MLLT6: variants seen among roughly 807,000 people sequenced by gnomAD.
MLLT6 encodes the protein protein AF-17.
MLLT6 carries 22 observed loss-of-function variants against 103.0 expected under a neutral mutation model. That is an observed-to-expected ratio of 0.21 (90% CI 0.15 to 0.31). MLLT6 has a LOEUF of 0.31. Among genes scored for constraint, MLLT6 ranks in the 10% least tolerant of loss-of-function variants. The pLI, the probability that MLLT6 is intolerant of heterozygous loss-of-function variation, is 1.00. For synonymous variants in MLLT6, 606 were observed against 623.5 expected, an observed-to-expected ratio of 0.97 and a Z score of 0.42; for missense variants, 1,199 against 1,441.7, an observed-to-expected ratio of 0.83 and a Z score of 2.73.
At chr17:38,710,675 T>C (rs1009391896) in intron 6 of MLLT6, among the ~76,000 whole-genome samples, 2 of 151,382 alleles carry the variant, frequency 1.3e-5, no homozygotes, top group African/African-American at 2.4e-5. Flanking sequence ...ACCTGGGGGG[T>C]GCCATGAACA....
At chr17:38,707,608 C>G in intron 3 of MLLT6, 68 bp downstream of exon 3, 1 of 1,534,874 alleles carries the variant, frequency 6.5e-7, no homozygotes, top group Admixed American at 1.7e-5. Context: ...CAGGAATGGA[C>G]TGAGTTGGGG....
intron 12 of MLLT6, 179 bp downstream of exon 12, chr17:38,718,132 T>C (rs1296870267): frequency 3.8e-6 from 2 of 519,516 alleles, no homozygotes; most frequent in East Asian, 3.4e-5. Flanking sequence ...CCCAGCACTT[T>C]GGGAGGCCGA....
intron 19 of MLLT6, 36 bp from the exon 20 acceptor site, chr17:38,725,519 ACT>A: frequency 6.3e-7 from 1 of 1,599,374 alleles, no homozygotes; most frequent in East Asian, 2.3e-5. Context: ...AGGACCTGAC[ACT>A]TTCCACACCC....
chr17:38,717,564 C>G lies in MLLT6; in HGVS notation c.1784C>G (p.Pro595Arg), dbSNP rs1280768287. The change falls in exon 11 of 20, where the codon CCG becomes CGG. Residue 595 changes from proline (P) to arginine (R), a missense_variant. Pro to Arg is a moderately radical substitution (Grantham distance 103, BLOSUM62 -2). Transcript: ENST00000621332. ...TSALPRLSRS[P>R]FTSTLPSSSA... is the part of the protein sequence containing the mutation. ...GCCCTGCCCCGCCTCAGCCGCTCCC[C>G]GTTCACCAGCACCCTCCCCTCCTCT... is the stretch of plus-strand genomic sequence containing the variant. 1 of 1,613,956 alleles carries G rather than the reference C, an allele frequency of 6.2e-7. No homozygotes were observed. The highest frequency in any genetic ancestry group is 8.5e-7 in the Non-Finnish European group (1 of 1,179,952).
At position 38,728,392 on chromosome 17, in the gene MLLT6, G is replaced by A. The variant is rs1206757265; in HGVS notation, c.*2794G>A. On this transcript the variant is annotated 3_prime_UTR_variant, in exon 20 of 20. Coordinates refer to ENST00000621332, the MANE Select transcript of MLLT6 (RefSeq NM_005937.4). ...TTTGTAGATCTCTTTGTCTGGGGGA[G>A]GGGAAGGATGTGGTTTGCAGAGCGG... 5 of 232,976 alleles carry A rather than the reference G, an allele frequency of 2.1e-5. No homozygotes were observed. The Admixed American group carries it at 2.3e-4, about 11-fold the overall frequency. The allele number at this position is 232,976 out of a possible 1,614,324, so 14.4% of individuals were successfully genotyped here.
Position 38,726,804 on chromosome 17 carries a change from A to G in MLLT6, c.*1206A>G, listed in dbSNP as rs570228428. ...AAAAGCCTCCCTCCCAGAATTAGCC[A>G]GCTTGCCTCCTGCACCCCACCCCCA... is the stretch of plus-strand genomic sequence containing the variant. On this transcript the variant is annotated 3_prime_UTR_variant, in exon 20 of 20. Transcript: ENST00000621332. 76 of 233,624 alleles carry G rather than the reference A, an allele frequency of 3.3e-4. No homozygotes were observed. Among genetic ancestry groups the G allele is most frequent in the Non-Finnish European group, 5.7e-4 (67 of 118,076 alleles). 14.5% of individuals were successfully genotyped at this position (233,624 alleles called of 1,614,324 possible). A position where few individuals can be genotyped will look rare whatever the true frequency, so the allele number is the denominator to read the frequency against.
rs190829996 is a variant in MLLT6, at chr17:38,714,092, G to A, written c.819+1303G>A. 163 of 152,322 alleles carry A rather than the reference G, an allele frequency of 1.1e-3. 2 individuals carry two copies. The highest frequency in any genetic ancestry group is 3.6e-3 in the African/African-American group (151 of 41,552). 9.4% of individuals were successfully genotyped at this position (152,322 alleles called of 1,614,324 possible). A position where few individuals can be genotyped will look rare whatever the true frequency, so the allele number is the denominator to read the frequency against. On this transcript the variant is annotated intron_variant, in intron 8 of 19. Coordinates refer to ENST00000621332, the MANE Select transcript of MLLT6 (RefSeq NM_005937.4). ...TGTGTTCTAGAACCAGGAGATGGAG[G>A]GGCATATGGAGATTAGTCCATTTAA...
intron 2 of MLLT6, 66 bp downstream of exon 2, chr17:38,707,095 G>C: frequency 2.8e-6 from 4 of 1,425,596 alleles, no homozygotes; most frequent in Non-Finnish European, 3.9e-6. Flanking sequence ...CTCAGGTTGA[G>C]CTAGGGGACT....
intron 17 of MLLT6, among the ~76,000 whole-genome samples, 173 bp downstream of exon 17, chr17:38,722,400 C>T (rs899414275): frequency 6.6e-6 from 1 of 152,178 alleles, no homozygotes; most frequent in Non-Finnish European, 1.5e-5. Flanking sequence ...GACTGTTAGA[C>T]ATGTGTGTCC....
In MLLT6 at chr17:38,728,714, G is replaced by A. The variant is rs1187131934; in HGVS notation, c.*3116G>A. ...AAGCCCTCAGGACTGTGGCCTCCTGGCCCTTGGTTCCCCTGCCCCACAACA... is the reference window on the plus strand; with the variant it reads ...AAGCCCTCAGGACTGTGGCCTCCTGACCCTTGGTTCCCCTGCCCCACAACA... On this transcript the variant is annotated 3_prime_UTR_variant, in exon 20 of 20. Transcript: ENST00000621332. 3 of 234,250 alleles carry A rather than the reference G, an allele frequency of 1.3e-5. No individual in the cohort carries two copies. Among genetic ancestry groups the A allele is most frequent in the African/African-American group, 2.2e-5 (1 of 45,372 alleles). 14.5% of individuals were successfully genotyped at this position (234,250 alleles called of 1,614,324 possible).
chr17:38,706,912 T>G, intron 1 of MLLT6, 38 bp from the exon 2 acceptor site: 1 of 1,567,664 alleles, frequency 6.4e-7, no homozygotes, highest in South Asian at 1.1e-5. Flanking sequence ...AGCCACTGGC[T>G]GACAGCTTTG....
chr17:38,712,772 GTCCCCACT>G lies in MLLT6; in HGVS notation c.803_810del (p.Val268GlyfsTer2). On this transcript the variant is annotated frameshift_variant, in exon 8 of 20. Transcript: ENST00000621332. LOFTEE classifies it high-confidence loss of function. ...CCCCAGCATCCTCACCCCGCCCGTG[GTCCCCACT>G]GCTGACAAGGTACTGCTGCCCACCT... is the stretch of plus-strand genomic sequence containing the variant. 1 of 1,613,342 alleles carries G rather than the reference GTCCCCACT, an allele frequency of 6.2e-7. No individual in the cohort carries two copies. Among genetic ancestry groups the G allele is most frequent in the African/African-American group, 1.3e-5 (1 of 75,028 alleles).
rs142362223 is a variant in MLLT6 at position 38,717,868 on chromosome 17, C to T, written c.1857C>T (p.Thr619=). 8.2e-5 allele frequency: 133 copies of T among 1,614,030 alleles called. No homozygotes were observed. The African/African-American group carries it at 1.5e-3, about 18-fold the overall frequency. Residue 619 remains threonine, a synonymous_variant, in exon 12 of 20, where the codon ACC becomes ACT. Transcript: ENST00000621332. ...AGGTGTTTTCTCTGGCTGGCTCTAC[C>T]TTTAGCCTCCCTTCTACCCACATCT... ...TTQVFSLAGS[T]FSLPSTHIFG...
intron 7 of MLLT6, 111 bp from the exon 8 acceptor site, chr17:38,712,580 C>T: frequency 2.8e-6 from 2 of 712,682 alleles, no homozygotes; most frequent in Non-Finnish European, 5.0e-6. Flanking sequence ...AGAGATGGTG[C>T]CCACAAAACC....
At chr17:38,723,514 A>G (rs1905868401) in intron 18 of MLLT6, among the ~76,000 whole-genome samples, 1 of 152,172 alleles carries the variant, frequency 6.6e-6, no homozygotes, top group South Asian at 2.1e-4. Context: ...GGGAGTTGAA[A>G]AAATAAGAAA....
rs1195880901 is a variant in MLLT6 at position 38,709,993 on chromosome 17, T to C, written c.552+418T>C. Among the ~76,000 whole-genome samples, 5 of 152,198 alleles carry C rather than the reference T, an allele frequency of 3.3e-5. No homozygotes were observed. The highest frequency in any genetic ancestry group is 2.0e-4 in the Admixed American group (3 of 15,280). On this transcript the variant is annotated intron_variant, in intron 6 of 19. Coordinates refer to ENST00000621332, the MANE Select transcript of MLLT6 (RefSeq NM_005937.4). This position sits in a 1 kb window ranked among gnomAD's most constrained non-coding sequence, Gnocchi z 4.3. ...ACCCTAAGAACTAGGTGTGCTATAT[T>C]TTCCCCATTTTACAGATGAGTAAAC...
Position 38,722,062 on chromosome 17 carries a change from G to A in MLLT6, c.2627G>A (p.Gly876Glu). Residue 876 changes from glycine to glutamate, a missense_variant, in exon 17 of 20, where the codon GGG becomes GAG. Transcript: ENST00000621332. ...LGRAPGAAGL[G>E]AMPMAEGLLG... The stretch of plus-strand genomic sequence containing the variant: ...CGGGCACCCGGGGCAGCGGGGCTGG[G>A]GGCCATGCCCATGGCTGAGGGGCTG... The A allele has an allele frequency of 7.2e-7, 1 of 1,392,572 alleles. No homozygotes were observed. Among genetic ancestry groups the A allele is most frequent in the South Asian group, 1.6e-5 (1 of 64,506 alleles). The allele number at this position is 1,392,572 out of a possible 1,614,324, so 86.3% of individuals were successfully genotyped here.
At chr17:38,707,626 C>A in intron 3 of MLLT6, 86 bp downstream of exon 3, 2 of 1,439,240 alleles carry the variant, frequency 1.4e-6, no homozygotes, top group Non-Finnish European at 2.0e-6. Context: ...GGGTGGAGGC[C>A]GGGTTTCCTT....
intron 6 of MLLT6, among the ~76,000 whole-genome samples, chr17:38,710,072 A>T (rs1464819096): frequency 1.3e-5 from 2 of 152,194 alleles, no homozygotes; most frequent in Non-Finnish European, 2.9e-5. Context: ...TGGGATTTAG[A>T]ACGGGCAGCC....
Sources: gnomAD v4.1 joint callset for allele counts (sites outside exome capture counted in the v4.1 genomes callset) on GRCh38, gnomAD v4.1.1 for gene constraint, Gnocchi (gnomAD v3.1) non-coding constraint, MANE v1.5 for transcripts, NCBI Gene and HGNC (gene_info 2026-07-23, HGNC 2026-07-21) for gene names.